The following DAB1 variants were observed in gnomAD, a reference collection of about 807,000 sequenced individuals.
DAB1 encodes disabled homolog 1.
In DAB1, 15 loss-of-function variants were observed where a neutral mutation model predicts 64.6. The observed-to-expected ratio is 0.23, with a 90% CI of 0.16 to 0.36. DAB1 has a LOEUF of 0.36. DAB1 is among the 10% of genes least tolerant of loss of function. The pLI, the probability that DAB1 is intolerant of heterozygous loss-of-function variation, is 1.00. For synonymous variants in DAB1, 235 were observed against 251.9 expected (o/e 0.93, Z 0.64); for missense variants, 596 against 706.7 (o/e 0.84, Z 1.78).
intron 6 of DAB1, among the ~76,000 whole-genome samples, chr1:57,650,973 G>A (rs1035859719): frequency 6.6e-6 from 1 of 152,138 alleles, no homozygotes; most frequent in African/African-American, 2.4e-5. Flanking sequence ...AGGGAGGAAT[G>A]AGTGTGTGAA....
chr1:58,028,499 G>A (rs566121693), intron 5 of DAB1, among the ~76,000 whole-genome samples: 81 of 152,154 alleles, frequency 5.3e-4, no homozygotes, highest in African/African-American at 1.8e-3. Flanking sequence ...TATGTCTAGC[G>A]GCCATGTTAA....
rs1414236831 is a variant in DAB1 at position 58,377,968 on chromosome 1, G to A, written n.258-34565C>T. On this transcript the variant is annotated intron_variant and non_coding_transcript_variant, in intron 3 of 20. Transcript: ENST00000485760. Reference sequence around the variant, plus strand: ...CTGATACCCTTTCTTCCAGTTGATCGCATCGGCTCCTGAGGCTTCTGCATT... The same window carrying A: ...CTGATACCCTTTCTTCCAGTTGATCACATCGGCTCCTGAGGCTTCTGCATT... Among the ~76,000 whole-genome samples, 12 of 140,542 alleles carry A rather than the reference G, an allele frequency of 8.5e-5. 1 individual carries two copies. Among genetic ancestry groups the A allele is most frequent in the African/African-American group, 2.9e-4 (11 of 37,740 alleles). The allele number at this position is 140,542 out of a possible 152,430, so 92.2% of individuals were successfully genotyped here. A position where few individuals can be genotyped will look rare whatever the true frequency, so the allele number is the denominator to read the frequency against.
intron 1 of DAB1, among the ~76,000 whole-genome samples, chr1:57,300,893 C>T (rs910198532): frequency 6.6e-6 from 1 of 152,050 alleles, no homozygotes; most frequent in African/African-American, 2.4e-5. Flanking sequence ...GATTCATTGA[C>T]TACTCACAGG....
At chr1:58,077,667 GCTAA>G (rs1373011714) in intron 5 of DAB1, among the ~76,000 whole-genome samples, 2 of 152,198 alleles carry the variant, frequency 1.3e-5, no homozygotes, top group African/African-American at 4.8e-5. Flanking sequence ...TGCCCCAGCA[GCTAA>G]CTGACAAAGT....
At chr1:58,388,616 T>G (rs1644452993) in intron 3 of DAB1, among the ~76,000 whole-genome samples, 2 of 152,236 alleles carry the variant, frequency 1.3e-5, no homozygotes, top group Admixed American at 6.5e-5. Context: ...TCTACCTTTT[T>G]GTTCACTAAA....
intron 7 of DAB1, among the ~76,000 whole-genome samples, chr1:57,525,712 T>A (rs996172923): frequency 2.0e-5 from 3 of 151,908 alleles, no homozygotes; most frequent in Non-Finnish European, 2.9e-5. Flanking sequence ...GATATAAGAA[T>A]ATAAGCATAT....
At chr1:57,239,549 C>G (rs924076267) in intron 2 of DAB1, among the ~76,000 whole-genome samples, 1 of 152,152 alleles carries the variant, frequency 6.6e-6, no homozygotes, top group African/African-American at 2.4e-5. Flanking sequence ...ATCTTCCAGA[C>G]CTATAGCCGG....
intron 7 of DAB1, among the ~76,000 whole-genome samples, chr1:57,486,562 G>A (rs1644094447): frequency 6.6e-6 from 1 of 152,160 alleles, no homozygotes. Context: ...AACCCTGAGG[G>A]GAATTTTACT....
chr1:58,392,950 T>C (rs1644488133), intron 3 of DAB1, among the ~76,000 whole-genome samples: 1 of 152,160 alleles, frequency 6.6e-6, no homozygotes, highest in African/African-American at 2.4e-5. Context: ...ACTTCCATCA[T>C]GCCCTCTTCC....
chr1:57,502,318 C>CAAAAAAAA (rs10649147), intron 7 of DAB1, among the ~76,000 whole-genome samples: 5 of 94,156 alleles, frequency 5.3e-5, no homozygotes, highest in Non-Finnish European at 8.4e-5. Flanking sequence ...GAGTCCGTCT[C>CAAAAAAAA]AAAAAAAAAA....
At chr1:57,488,747 AAG>A (rs1570566939) in intron 7 of DAB1, among the ~76,000 whole-genome samples, 1 of 152,256 alleles carries the variant, frequency 6.6e-6, no homozygotes, top group East Asian at 1.9e-4. Context: ...CAGATAACAT[AAG>A]AGAGTAACAT....
intron 6 of DAB1, among the ~76,000 whole-genome samples, chr1:57,698,167 G>C (rs890459242): frequency 1.3e-5 from 2 of 151,310 alleles, no homozygotes; most frequent in African/African-American, 4.9e-5. Flanking sequence ...GCTCACTGTA[G>C]CCTCAAATTC....
intron 4 of DAB1, among the ~76,000 whole-genome samples, chr1:58,255,244 G>A (rs1461780497): frequency 1.3e-5 from 2 of 150,772 alleles, no homozygotes; most frequent in African/African-American, 4.9e-5. Flanking sequence ...TTTTTGATGG[G>A]GTTGTTTGTT....
intron 2 of DAB1, among the ~76,000 whole-genome samples, chr1:57,176,402 T>A (rs1453776169): frequency 6.6e-6 from 1 of 151,910 alleles, no homozygotes; most frequent in Non-Finnish European, 1.5e-5. Flanking sequence ...AACCATCATA[T>A]CTCATGAGAC....
chr1:57,500,229 G>A (rs1338844241), intron 7 of DAB1, among the ~76,000 whole-genome samples: 1 of 152,312 alleles, frequency 6.6e-6, no homozygotes, highest in East Asian at 1.9e-4. Flanking sequence ...AAAAAAAGAG[G>A]AATAAAGCAG....
At chr1:58,256,230 G>T (rs1213980328) in intron 4 of DAB1, among the ~76,000 whole-genome samples, 1 of 152,196 alleles carries the variant, frequency 6.6e-6, no homozygotes, top group African/African-American at 2.4e-5. Context: ...TGGGTGCACG[G>T]TTGCCACGGT....
chr1:57,577,476 A>G (rs575219387), intron 7 of DAB1, among the ~76,000 whole-genome samples: 1 of 152,010 alleles, frequency 6.6e-6, no homozygotes, highest in Admixed American at 6.6e-5. Context: ...ATAATACCCA[A>G]CCTTTAATTG....
At chr1:58,177,624 T>C (rs866718005) in intron 4 of DAB1, among the ~76,000 whole-genome samples, 1 of 152,056 alleles carries the variant, frequency 6.6e-6, no homozygotes, top group African/African-American at 2.4e-5. Context: ...GGAAGCAAAC[T>C]GATATTAACT....
At chr1:57,431,294 A>C (rs1419966140) in intron 7 of DAB1, among the ~76,000 whole-genome samples, 2 of 151,878 alleles carry the variant, frequency 1.3e-5, no homozygotes, top group Non-Finnish European at 2.9e-5. Context: ...AGAATTTTGA[A>C]ATTTAGAGTG....
Sources: allele counts gnomAD v4.1 joint callset (sites outside exome capture counted in the v4.1 genomes callset), GRCh38; gene constraint gnomAD v4.1.1; transcripts MANE v1.5; gene names NCBI Gene and HGNC (gene_info 2026-07-23, HGNC 2026-07-21).